DYRK1A: variants seen among roughly 807,000 people sequenced by gnomAD.
DYRK1A encodes the protein dual specificity tyrosine-phosphorylation-regulated kinase 1A.
DYRK1A carries 9 observed loss-of-function variants against 79.7 expected under a neutral mutation model. The ratio of observed to expected loss-of-function variants is 0.11; its 90% CI spans 0.07 to 0.20. The LOEUF (loss-of-function observed/expected upper bound fraction) is 0.20. Ranked by LOEUF, DYRK1A falls within the 10% of genes least tolerant of loss-of-function variation. The pLI, the probability that DYRK1A is intolerant of heterozygous loss-of-function variation, is 1.00. For missense variants in DYRK1A, 622 were observed against 956.0 expected, an observed-to-expected ratio of 0.65 and a Z score of 4.61; for synonymous variants, 349 against 329.7, an observed-to-expected ratio of 1.06 and a Z score of -0.63.
intron 3 of DYRK1A, among the ~76,000 whole-genome samples, chr21:37,477,520 C>CG (rs2052443888): frequency 6.6e-6 from 1 of 152,090 alleles, no homozygotes; most frequent in Admixed American, 6.5e-5. Flanking sequence ...GCTGTGGAAA[C>CG]GGTCTAGCAG....
At chr21:37,370,278 C>G (rs944428081) in intron 1 of DYRK1A, among the ~76,000 whole-genome samples, 1 of 151,120 alleles carries the variant, frequency 6.6e-6, no homozygotes, top group African/African-American at 2.4e-5. Flanking sequence ...TCTTTGTTTT[C>G]ACTTGAAAAC....
At chr21:37,399,242 A>G (rs1451500917) in intron 1 of DYRK1A, among the ~76,000 whole-genome samples, 1 of 152,146 alleles carries the variant, frequency 6.6e-6, no homozygotes. Context: ...TTGTGTGTGG[A>G]TATTCAAATA....
chr21:37,387,989 A>G (rs2049793795), intron 1 of DYRK1A, among the ~76,000 whole-genome samples: 1 of 152,140 alleles, frequency 6.6e-6, no homozygotes, highest in Non-Finnish European at 1.5e-5. Context: ...TTCAAATTCA[A>G]CATGTGTTAA....
At chr21:37,421,945 C>T (rs1056463705) in intron 2 of DYRK1A, 4 of 152,206 alleles carry the variant, frequency 2.6e-5, no homozygotes, top group African/African-American at 4.8e-5. Context: ...GATTTTCTCT[C>T]GTGAAATTTT....
intron 2 of DYRK1A, among the ~76,000 whole-genome samples, chr21:37,427,508 A>G (rs2148444894): frequency 6.6e-6 from 1 of 152,330 alleles, no homozygotes; most frequent in South Asian, 2.1e-4. Flanking sequence ...ATGACTAATC[A>G]GTATTCTGCG....
At chr21:37,491,826 A>G (rs2053106790) in intron 7 of DYRK1A, among the ~76,000 whole-genome samples, 1 of 152,222 alleles carries the variant, frequency 6.6e-6, no homozygotes, top group South Asian at 2.1e-4. Context: ...AATATTAAAC[A>G]TTATTATTTC....
chr21:37,476,605 T>C (rs982573069), intron 3 of DYRK1A, among the ~76,000 whole-genome samples: 1 of 152,218 alleles, frequency 6.6e-6, no homozygotes. Context: ...TTCATCACCC[T>C]AAATGCTTAC....
chr21:37,505,698 T>TA (rs1463728974), intron 10 of DYRK1A, 109 bp downstream of exon 10: 4 of 1,196,808 alleles, frequency 3.3e-6, no homozygotes, highest in Admixed American at 2.7e-5. Flanking sequence ...GGGGAGCAGT[T>TA]ACTTTACTTA....
At chr21:37,395,793 A>G (rs1426790666) in intron 1 of DYRK1A, among the ~76,000 whole-genome samples, 2 of 152,054 alleles carry the variant, frequency 1.3e-5, no homozygotes, top group Non-Finnish European at 2.9e-5. Context: ...GGAAACATTT[A>G]CTCTGTGAAA....
chr21:37,399,539 A>G (rs11702865), intron 1 of DYRK1A, among the ~76,000 whole-genome samples: 11,499 of 152,272 alleles, frequency 0.076, 651 homozygotes, highest in Non-Finnish European at 0.11. Flanking sequence ...AAAGACAAAT[A>G]CAGTTTGTAC....
intron 1 of DYRK1A, among the ~76,000 whole-genome samples, chr21:37,381,440 G>A (rs1157839219): frequency 6.6e-6 from 1 of 152,190 alleles, no homozygotes; most frequent in Non-Finnish European, 1.5e-5. Context: ...CTGTATTAAA[G>A]GAGTGTATAA....
At chr21:37,482,704 G>A (rs1044157128) in intron 5 of DYRK1A, among the ~76,000 whole-genome samples, 2 of 152,160 alleles carry the variant, frequency 1.3e-5, no homozygotes, top group South Asian at 4.1e-4. Context: ...ATAAGCCTGG[G>A]GGTGCTATGG....
intron 11 of DYRK1A, among the ~76,000 whole-genome samples, chr21:37,508,990 T>A (rs565229244): frequency 3.9e-5 from 6 of 152,240 alleles, no homozygotes; most frequent in Non-Finnish European, 8.8e-5. Flanking sequence ...CACCGCGTTC[T>A]TCCCACCTGG....
At chr21:37,451,607 G>A (rs911079134) in intron 2 of DYRK1A, among the ~76,000 whole-genome samples, 7 of 150,884 alleles carry the variant, frequency 4.6e-5, no homozygotes, top group Middle Eastern at 3.4e-3. Context: ...TCTAGCGTGG[G>A]CGTGCAGTAG....
chr21:37,498,660 T>C (rs760922814), intron 9 of DYRK1A, among the ~76,000 whole-genome samples: 7 of 152,206 alleles, frequency 4.6e-5, no homozygotes, highest in Non-Finnish European at 1.0e-4. Flanking sequence ...AACAGTCTTT[T>C]ATACATATGT....
At chr21:37,463,906 T>C (rs1457394980) in intron 2 of DYRK1A, among the ~76,000 whole-genome samples, 1 of 152,218 alleles carries the variant, frequency 6.6e-6, no homozygotes, top group Non-Finnish European at 1.5e-5. Flanking sequence ...GATGCTATAG[T>C]TTTAATTAAA....
intron 2 of DYRK1A, among the ~76,000 whole-genome samples, chr21:37,453,248 C>T (rs2051518944): frequency 6.6e-6 from 1 of 151,924 alleles, no homozygotes; most frequent in Non-Finnish European, 1.5e-5. Flanking sequence ...TTGCTAAGTC[C>T]TTAATCTTGT....
intron 1 of DYRK1A, among the ~76,000 whole-genome samples, chr21:37,392,731 CAT>C (rs1430627886): frequency 6.6e-6 from 1 of 152,174 alleles, no homozygotes; most frequent in Non-Finnish European, 1.5e-5. Flanking sequence ...TCAGACTGGT[CAT>C]AGTCTGTGCT....
chr21:37,440,637 G>T (rs1347717065), intron 2 of DYRK1A, among the ~76,000 whole-genome samples: 1 of 152,070 alleles, frequency 6.6e-6, no homozygotes, highest in African/African-American at 2.4e-5. Context: ...TCCTTGAGTT[G>T]TGGTTATTTA....
Sources: gnomAD v4.1 joint callset for allele counts (sites outside exome capture counted in the v4.1 genomes callset) on GRCh38, gnomAD v4.1.1 for gene constraint, MANE v1.5 for transcripts, NCBI Gene and HGNC (gene_info 2026-07-23, HGNC 2026-07-21) for gene names.